WWOX: variants seen among roughly 807,000 people sequenced by gnomAD.
WWOX encodes WW domain-containing oxidoreductase.
A neutral mutation model predicts 46.2 loss-of-function variants in WWOX; 69 were observed. That is an observed-to-expected ratio of 1.49 (90% CI 1.23 to 1.82). WWOX has a LOEUF of 1.82. WWOX is among the 40% of genes most tolerant of loss of function. WWOX has a pLI of 0.00. For synonymous variants in WWOX, 359 were observed against 202.6 expected, an observed-to-expected ratio of 1.77 and a Z score of -6.56; for missense variants, 919 against 542.6, an observed-to-expected ratio of 1.69 and a Z score of -6.89.
chr16:78,297,578 A>G (rs1202488941), intron 5 of WWOX, among the ~76,000 whole-genome samples: 1 of 152,186 alleles, frequency 6.6e-6, no homozygotes, highest in Non-Finnish European at 1.5e-5. Flanking sequence ...GGACTGAATA[A>G]ATGTTTATTG....
intron 8 of WWOX, among the ~76,000 whole-genome samples, chr16:78,778,636 T>A (rs1381123674): frequency 6.6e-6 from 1 of 152,212 alleles, no homozygotes; most frequent in Non-Finnish European, 1.5e-5. Flanking sequence ...GCTTCTCTGC[T>A]GTGTTTTCTC....
At chr16:78,823,308 A>T (rs755791411) in intron 8 of WWOX, among the ~76,000 whole-genome samples, 1 of 152,188 alleles carries the variant, frequency 6.6e-6, no homozygotes, top group Non-Finnish European at 1.5e-5. Context: ...GCAGGAAGAG[A>T]GGAGTTGATG....
At chr16:78,595,656 A>G (rs921328668) in intron 8 of WWOX, among the ~76,000 whole-genome samples, 2 of 152,214 alleles carry the variant, frequency 1.3e-5, no homozygotes, top group Non-Finnish European at 2.9e-5. Flanking sequence ...ATGATGAGCC[A>G]TACTCAGAGT....
chr16:79,179,985 C>G (rs1300655827), intron 8 of WWOX, among the ~76,000 whole-genome samples: 1 of 152,092 alleles, frequency 6.6e-6, no homozygotes, highest in Non-Finnish European at 1.5e-5. Context: ...TACTGGATTC[C>G]TAGACCAGGT....
At chr16:78,317,951 G>C (rs2080388970) in intron 5 of WWOX, among the ~76,000 whole-genome samples, 1 of 152,068 alleles carries the variant, frequency 6.6e-6, no homozygotes, top group Non-Finnish European at 1.5e-5. Context: ...TTTCAGCCTG[G>C]GTTTGAAAGC....
At chr16:78,687,957 C>G (rs899819225) in intron 8 of WWOX, among the ~76,000 whole-genome samples, 1 of 152,038 alleles carries the variant, frequency 6.6e-6, no homozygotes, top group African/African-American at 2.4e-5. Context: ...CAAGTGAGGT[C>G]AGATCTAGTG....
intron 8 of WWOX, among the ~76,000 whole-genome samples, chr16:78,452,147 A>G (rs537434569): frequency 1.3e-5 from 2 of 152,292 alleles, no homozygotes; most frequent in Non-Finnish European, 2.9e-5. Flanking sequence ...TATCCCACAG[A>G]ATCTCTTAAT....
intron 5 of WWOX, among the ~76,000 whole-genome samples, chr16:78,322,627 A>G (rs1400155973): frequency 6.6e-6 from 1 of 152,000 alleles, no homozygotes; most frequent in African/African-American, 2.4e-5. Flanking sequence ...TTCTGAAGCA[A>G]CTCTTCATCA....
intron 8 of WWOX, among the ~76,000 whole-genome samples, chr16:78,910,956 T>A (rs1279110462): frequency 1.3e-5 from 2 of 152,064 alleles, no homozygotes; most frequent in South Asian, 4.1e-4. Flanking sequence ...TGTTTACATA[T>A]TTCAAAATAA....
rs564907636 is a variant in WWOX at position 79,139,700 on chromosome 16, G to A, written c.1057-71908G>A. Reference sequence around the variant, plus strand: ...CCAAATAATAAAATAGGTTTAGGGTGTTTGCTTATGAAAGCTGACTTTCAC... The same window carrying A: ...CCAAATAATAAAATAGGTTTAGGGTATTTGCTTATGAAAGCTGACTTTCAC... On this transcript the variant is annotated intron_variant, in intron 8 of 8. Transcript: ENST00000566780. Among the ~76,000 whole-genome samples, 4 of 152,168 alleles carry A rather than the reference G, an allele frequency of 2.6e-5. No individual in the cohort carries two copies. The East Asian group carries it at 5.8e-4, about 22-fold the overall frequency.
chr16:78,309,079 A>G (rs1027426391), intron 5 of WWOX, among the ~76,000 whole-genome samples: 1 of 152,088 alleles, frequency 6.6e-6, no homozygotes, highest in African/African-American at 2.4e-5. Context: ...GTAACCAATT[A>G]CCAATCTGAA....
intron 5 of WWOX, among the ~76,000 whole-genome samples, chr16:78,204,334 G>A (rs2036324795): frequency 6.6e-6 from 1 of 152,036 alleles, no homozygotes; most frequent in African/African-American, 2.4e-5. Context: ...TTTTGATACA[G>A]GCATGCAATG....
At chr16:78,684,054 A>G (rs1247594049) in intron 8 of WWOX, among the ~76,000 whole-genome samples, 1 of 152,038 alleles carries the variant, frequency 6.6e-6, no homozygotes, top group Admixed American at 6.6e-5. Flanking sequence ...TCTCCCTCAC[A>G]GTTTTGGCTC....
intron 8 of WWOX, among the ~76,000 whole-genome samples, chr16:78,700,847 G>A (rs901148970): frequency 3.3e-5 from 5 of 152,180 alleles, no homozygotes; most frequent in African/African-American, 1.2e-4. Context: ...AAGCTGAATA[G>A]CACAACACCC....
At chr16:78,656,051 G>A (rs1233448294) in intron 8 of WWOX, among the ~76,000 whole-genome samples, 1 of 152,190 alleles carries the variant, frequency 6.6e-6, no homozygotes, top group Non-Finnish European at 1.5e-5. Context: ...TGAAATGGGG[G>A]TGTGGGTTAT....
intron 8 of WWOX, among the ~76,000 whole-genome samples, chr16:78,925,749 G>C (rs1387564776): frequency 2.0e-5 from 3 of 152,146 alleles, no homozygotes; most frequent in Admixed American, 2.0e-4. Flanking sequence ...CTCTCTAAGG[G>C]TGAAGATGCT....
In WWOX at chr16:78,775,022, C is replaced by T. The variant is rs138117491; in HGVS notation, c.1056+342270C>T. ...AAAGGTAGGTAAGTTGGGCAGATGG[C>T]GAGAGACATCACAGCCCTCACTCCT... On this transcript the variant is annotated intron_variant, in intron 8 of 8. Coordinates refer to ENST00000566780, the MANE Select transcript of WWOX (RefSeq NM_016373.4). 3.7e-3 allele frequency among the ~76,000 whole-genome samples: 569 copies of T among 152,158 alleles called. 6 individuals carry two copies. Among genetic ancestry groups the T allele is most frequent in the South Asian group, 0.019 (93 of 4,814 alleles).
Position 78,742,917 on chromosome 16 carries a change from C to T in WWOX, c.1056+310165C>T, listed in dbSNP as rs114721987. Among the ~76,000 whole-genome samples, 1,392 of 152,132 alleles carry T rather than the reference C, an allele frequency of 9.1e-3. 23 individuals carry two copies. Among genetic ancestry groups the T allele is most frequent in the African/African-American group, 0.032 (1,334 of 41,502 alleles). ...GGAAAGGGCCACTTCCTGGGCCTCC[C>T]AAAAAGAGGAAGGAGAAGGCCCTGG... On this transcript the variant is annotated intron_variant, in intron 8 of 8. Transcript: ENST00000566780.
rs192095601 is a variant in WWOX at position 78,457,719 on chromosome 16, G to A, written c.1056+24967G>A. 1.5e-3 allele frequency among the ~76,000 whole-genome samples: 229 copies of A among 152,072 alleles called. 1 individual carries two copies. Among genetic ancestry groups the A allele is most frequent in the African/African-American group, 5.3e-3 (220 of 41,470 alleles). On this transcript the variant is annotated intron_variant, in intron 8 of 8. Transcript: ENST00000566780. ...ACCTGAGGTCAGGAGTTCGAGACCAGCTTGGCCAACATGGTGAAACCTCAT... is the reference window on the plus strand; with the variant it reads ...ACCTGAGGTCAGGAGTTCGAGACCAACTTGGCCAACATGGTGAAACCTCAT...
Sources: allele counts gnomAD v4.1 joint callset (sites outside exome capture counted in the v4.1 genomes callset), GRCh38; gene constraint gnomAD v4.1.1; transcripts MANE v1.5; gene names NCBI Gene and HGNC (gene_info 2026-07-23, HGNC 2026-07-21).